The following TEX15 variants were observed in gnomAD, a reference collection of about 807,000 sequenced individuals.
TEX15 encodes testis-expressed protein 15.
A neutral mutation model predicts 237.3 loss-of-function variants in TEX15; 171 were observed. The ratio of observed to expected loss-of-function variants is 0.72; its 90% CI spans 0.64 to 0.82. The LOEUF (loss-of-function observed/expected upper bound fraction) is 0.82. Among genes scored for constraint, TEX15 ranks in the 40% least tolerant of loss-of-function variants. The probability of loss-of-function intolerance (pLI) is 0.00; values close to 1 mark genes in which losing one functional copy is unlikely to be tolerated. For missense variants in TEX15, 3,750 were observed against 3,646.5 expected, an observed-to-expected ratio of 1.03 and a Z score of -0.73; for synonymous variants, 1,338 against 1,269.8, an observed-to-expected ratio of 1.05 and a Z score of -1.14.
At chr8:30,888,001 G>A (rs916849852) in intron 2 of TEX15, among the ~76,000 whole-genome samples, 1 of 146,950 alleles carries the variant, frequency 6.8e-6, no homozygotes, top group African/African-American at 2.5e-5. Flanking sequence ...AAGTCTCCCT[G>A]CTCCTGAAAA....
At position 30,846,095 on chromosome 8, in the gene TEX15, T is replaced by C. The variant is rs1807597359; in HGVS notation, c.4072A>G (p.Lys1358Glu). Residue 1358 changes from lysine (K) to glutamate (E), a missense_variant, in exon 8 of 11, where the codon AAG (lysine) becomes GAG (glutamate). Coordinates refer to ENST00000643185, the MANE Select transcript of TEX15 (RefSeq NM_001350162.2). ...TCACTTAGGATATTTAGGACACTCT[T>C]AATGTGCTTTTCTGACTGTGAAAAT... ...KTFSQSEKHI[K>E]SVLNILSDEA... The C allele has an allele frequency of 2.5e-6, 4 of 1,613,476 alleles. No individual in the cohort carries two copies. The highest frequency in any genetic ancestry group is 2.2e-5 in the East Asian group (1 of 44,844).
At chr8:30,858,519 C>A in intron 7 of TEX15, 149 bp downstream of exon 7, 1 of 589,364 alleles carries the variant, frequency 1.7e-6, no homozygotes, top group Non-Finnish European at 2.7e-6. Context: ...GCTATGTTGG[C>A]CAGGTTGGCC....
intron 2 of TEX15, among the ~76,000 whole-genome samples, chr8:30,889,934 C>CATATATAT (rs374692942): frequency 5.7e-5 from 7 of 123,304 alleles, no homozygotes; most frequent in African/African-American, 1.1e-4. Context: ...TAGTTATATA[C>CATATATAT]ATATATATAT....
In TEX15 at chr8:30,844,050, T is replaced by A; in HGVS notation, c.6117A>T (p.Glu2039Asp). Reference protein sequence around the residue: ...LFVEAFERKQECSVEQILISR... With the variant: ...LFVEAFERKQDCSVEQILISR... ...AAATCAGGATTTGTTCAACTGAACA[T>A]TCTTGCTTTCTTTCAAAAGCTTCCA... is the stretch of plus-strand genomic sequence containing the variant. Residue 2039 changes from glutamate to aspartate, a missense_variant, in exon 8 of 11, where the codon GAA (glutamate) becomes GAT (aspartate). Glu to Asp is a conservative substitution (Grantham distance 45). Transcript: ENST00000643185. The A allele has an allele frequency of 6.2e-7, 1 of 1,611,932 alleles. No individual in the cohort carries two copies. Among genetic ancestry groups the A allele is most frequent in the Non-Finnish European group, 8.5e-7 (1 of 1,179,236 alleles).
Position 30,848,240 on chromosome 8 carries a change from T to C in TEX15, c.1927A>G (p.Ile643Val), listed in dbSNP as rs1563243817. Residue 643 changes from isoleucine to valine, a missense_variant, in exon 8 of 11, where the codon ATT becomes GTT. Physicochemically the swap from Ile to Val is conservative, Grantham distance 29. Transcript: ENST00000643185. ...GTTTCATTAGTGAAATCATTATCAA[T>C]TTCTTTCCATGAAGTTTGCTTTTCT... Reference protein sequence around the residue: ...HEEKQTSWKEIDNDFTNETKI... With the variant: ...HEEKQTSWKEVDNDFTNETKI... 6.2e-7 allele frequency: 1 copy of C among 1,612,416 alleles called. No individual in the cohort carries two copies. The highest frequency in any genetic ancestry group is 2.2e-5 in the East Asian group (1 of 44,868).
chr8:30,863,685 C>T (rs146710783), intron 5 of TEX15, among the ~76,000 whole-genome samples: 1 of 151,622 alleles, frequency 6.6e-6, no homozygotes, highest in Non-Finnish European at 1.5e-5. Flanking sequence ...AAAAAAAATA[C>T]TACTCAAAAG....
intron 3 of TEX15, among the ~76,000 whole-genome samples, chr8:30,880,766 T>C (rs995680120): frequency 6.7e-6 from 1 of 149,358 alleles, no homozygotes; most frequent in Non-Finnish European, 1.5e-5. Context: ...GAGTGAGTTA[T>C]ATGCAGATTT....
chr8:30,891,786 A>T (rs537289993), intron 2 of TEX15, among the ~76,000 whole-genome samples: 6 of 152,272 alleles, frequency 3.9e-5, no homozygotes, highest in African/African-American at 1.4e-4. Context: ...TTTGAGAATG[A>T]TCATGTACTA....
chr8:30,852,100 C>CTTTTTTTTTT lies in TEX15; in HGVS notation c.851-2794_851-2785dup, dbSNP rs910989172. On this transcript the variant is annotated intron_variant, in intron 7 of 10. Coordinates refer to ENST00000643185, the MANE Select transcript of TEX15 (RefSeq NM_001350162.2). Reference sequence around the variant, plus strand: ...AGTGCCTTATGTACATTAATTTAATCTTTTTTTTTTTTTTTTTTTTTTTTT... The same window carrying CTTTTTTTTTT: ...AGTGCCTTATGTACATTAATTTAATCTTTTTTTTTTTTTTTTTTTTTTTTTTTTTTTTTTT... Among the ~76,000 whole-genome samples the CTTTTTTTTTT allele has an allele frequency of 1.1e-4, 10 of 90,408 alleles. 2 individuals are homozygous for CTTTTTTTTTT. Among genetic ancestry groups the CTTTTTTTTTT allele is most frequent in the African/African-American group, 3.9e-4 (7 of 18,178 alleles). The allele number at this position is 90,408 out of a possible 152,430, so 59.3% of individuals were successfully genotyped here.
At chr8:30,875,649 T>A (rs1178223999) in intron 3 of TEX15, among the ~76,000 whole-genome samples, 2 of 152,154 alleles carry the variant, frequency 1.3e-5, no homozygotes. Flanking sequence ...CCTATGGAAG[T>A]GAACTCAGAG....
chr8:30,837,263 G>C lies in TEX15; in HGVS notation c.9021C>G (p.Val3007=). The change falls in exon 10 of 11, where the codon GTC becomes GTG. Residue 3007 remains valine, a synonymous_variant. Coordinates refer to ENST00000643185, the MANE Select transcript of TEX15 (RefSeq NM_001350162.2). ...AATATGTGGCAGCATTCTGCATTAG[G>C]ACTTTTGAATTTTTGTCATTCTGTT... ...SEQQNDKNSK[V]LMQNAATYWN... is the part of the protein sequence containing the mutation. 6.2e-7 allele frequency: 1 copy of C among 1,614,146 alleles called. No homozygotes were observed. Among genetic ancestry groups the C allele is most frequent in the East Asian group, 2.2e-5 (1 of 44,882 alleles).
intron 1 of TEX15, among the ~76,000 whole-genome samples, chr8:30,909,754 T>C (rs1407548617): frequency 1.3e-5 from 2 of 152,164 alleles, no homozygotes; most frequent in Non-Finnish European, 2.9e-5. Flanking sequence ...AACATCAATT[T>C]TAAACATGCT....
chr8:30,855,850 T>C (rs140464015), intron 7 of TEX15, among the ~76,000 whole-genome samples: 1 of 152,306 alleles, frequency 6.6e-6, no homozygotes, highest in African/African-American at 2.4e-5. Flanking sequence ...AAAACTATGA[T>C]TTTACTTAAA....
chr8:30,874,265 T>C (rs955463931), intron 4 of TEX15, among the ~76,000 whole-genome samples: 1 of 152,196 alleles, frequency 6.6e-6, no homozygotes, highest in Non-Finnish European at 1.5e-5. Flanking sequence ...TATCAAGCTC[T>C]AGTTAGGTTT....
At chr8:30,870,302 C>T (rs1808265880) in intron 4 of TEX15, among the ~76,000 whole-genome samples, 2 of 152,016 alleles carry the variant, frequency 1.3e-5, no homozygotes, top group African/African-American at 4.8e-5. Flanking sequence ...TGCTACCATA[C>T]TGTCTCATTT....
chr8:30,904,320 G>A (rs1809057350), intron 1 of TEX15, among the ~76,000 whole-genome samples: 2 of 152,050 alleles, frequency 1.3e-5, no homozygotes, highest in African/African-American at 4.8e-5. Flanking sequence ...GGTGGTGGGC[G>A]CCTGTAATCC....
rs1412196707 is a variant in TEX15, at chr8:30,847,757, T to C, written c.2410A>G (p.Ile804Val). 5 of 1,613,648 alleles carry C rather than the reference T, an allele frequency of 3.1e-6. No individual in the cohort carries two copies. The highest frequency in any genetic ancestry group is 1.1e-5 in the South Asian group (1 of 91,080). ...TTTTCATTTTTCCTATGGACACATA[T>C]ATGTTCTCTAGTTATGCTGCAATTT... is the stretch of plus-strand genomic sequence containing the variant. Reference protein sequence around the residue: ...SSNCSITREHICVHRKNENEP... With the variant: ...SSNCSITREHVCVHRKNENEP... Residue 804 changes from isoleucine to valine, a missense_variant, in exon 8 of 11, where the codon ATA (isoleucine) becomes GTA (valine). By Grantham distance (29) the Ile-to-Val change is conservative. Transcript: ENST00000643185.
intron 1 of TEX15, among the ~76,000 whole-genome samples, chr8:30,906,604 A>C (rs998515101): frequency 5.3e-5 from 8 of 151,882 alleles, no homozygotes; most frequent in Admixed American, 1.3e-4. Flanking sequence ...GAAAAAAAAA[A>C]AAAAAAAGAG....
At position 30,848,152 on chromosome 8, in the gene TEX15, T is replaced by C. The variant is rs761046024; in HGVS notation, c.2015A>G (p.His672Arg). 7 of 1,609,792 alleles carry C rather than the reference T, an allele frequency of 4.3e-6. No individual in the cohort carries two copies. The highest frequency in any genetic ancestry group is 1.7e-5 in the Admixed American group (1 of 59,504). Residue 672 changes from histidine to arginine, a missense_variant, in exon 8 of 11, where the codon CAT (histidine) becomes CGT (arginine). Transcript: ENST00000643185. ...ATCACAGCTTTTCCCAAAAGAATTA[T>C]GACTCTCACTCTCTTTGTATTCTTG... ...LHQEYKESES[H>R]NSFGKSCDKI...
Sources: gnomAD v4.1 joint callset for allele counts (sites outside exome capture counted in the v4.1 genomes callset) on GRCh38, gnomAD v4.1.1 for gene constraint, MANE v1.5 for transcripts, NCBI Gene and HGNC (gene_info 2026-07-23, HGNC 2026-07-21) for gene names.